The following ETFA variants were observed in gnomAD, a reference collection of about 807,000 sequenced individuals.
ETFA encodes electron transfer flavoprotein subunit alpha.
Under a neutral mutation model 46.2 loss-of-function variants are expected in ETFA, and 22 were observed. The observed-to-expected ratio is 0.48, with a 90% CI of 0.34 to 0.68. The LOEUF is 0.68. Ranked by LOEUF, ETFA falls within the 30% of genes least tolerant of loss-of-function variation. ETFA has a pLI of 0.01. For missense variants in ETFA, 345 were observed against 401.1 expected, an observed-to-expected ratio of 0.86 and a Z score of 1.19; for synonymous variants, 131 against 139.9, an observed-to-expected ratio of 0.94 and a Z score of 0.45.
chr15:76,277,032 T>A (rs577571206), intron 8 of ETFA, among the ~76,000 whole-genome samples: 5 of 152,298 alleles, frequency 3.3e-5, no homozygotes, highest in African/African-American at 4.8e-5. Context: ...TAAAAGGAAG[T>A]GCTGTCAATA....
intron 11 of ETFA, among the ~76,000 whole-genome samples, chr15:76,222,719 C>T (rs1417859826): frequency 6.6e-6 from 1 of 152,204 alleles, no homozygotes; most frequent in African/African-American, 2.4e-5. Context: ...AATCACATCT[C>T]TCTGGGACAG....
chr15:76,221,524 A>G (rs2038956427), intron 11 of ETFA, among the ~76,000 whole-genome samples: 1 of 152,256 alleles, frequency 6.6e-6, no homozygotes, highest in Non-Finnish European at 1.5e-5. Context: ...CAAACAAAAA[A>G]CAGGTGGTGC....
At chr15:76,249,711 G>T (rs2039279685) in intron 9 of ETFA, among the ~76,000 whole-genome samples, 1 of 152,066 alleles carries the variant, frequency 6.6e-6, no homozygotes. Context: ...AAAGTGCTGG[G>T]ATTACAGGTG....
At chr15:76,258,028 G>C (rs941078337) in intron 9 of ETFA, among the ~76,000 whole-genome samples, 1 of 120,676 alleles carries the variant, frequency 8.3e-6, no homozygotes, top group African/African-American at 3.1e-5. Flanking sequence ...GTGGGGTGGG[G>C]GGAGGGGGGG....
chr15:76,230,150 G>T (rs1002115341), intron 10 of ETFA: 1 of 148,154 alleles, frequency 6.7e-6, no homozygotes, highest in Admixed American at 6.8e-5. Flanking sequence ...GTGACAGAGC[G>T]AGACTCTTGT....
At chr15:76,300,604 C>A (rs1251507529) in intron 1 of ETFA, among the ~76,000 whole-genome samples, 2 of 152,220 alleles carry the variant, frequency 1.3e-5, no homozygotes, top group Non-Finnish European at 2.9e-5. Context: ...TCCTACCAAT[C>A]TATTTCTCTC....
At chr15:76,295,936 C>CTTTGTTTTTTTTTTTTTTTTTTT (rs2039816517) in intron 1 of ETFA, among the ~76,000 whole-genome samples, 199 bp from the exon 2 acceptor site, 1 of 46,602 alleles carries the variant, frequency 2.1e-5, no homozygotes, top group Non-Finnish European at 4.2e-5. Flanking sequence ...CACTAATATT[C>CTTTGTTTTTTTTTTTTTTTTTTT]TTTTTTTTTT....
chr15:76,226,174 C>A (rs907745868), intron 10 of ETFA: 2 of 382,006 alleles, frequency 5.2e-6, no homozygotes, highest in Non-Finnish European at 4.7e-6. Context: ...TTTAAAAGTT[C>A]TTCTTTTGAC....
chr15:76,293,118 A>C (rs2039784459), intron 2 of ETFA, among the ~76,000 whole-genome samples: 1 of 152,180 alleles, frequency 6.6e-6, no homozygotes, highest in African/African-American at 2.4e-5. Flanking sequence ...GACTGGGCGA[A>C]AGAGTGAAAC....
At chr15:76,223,123 A>G (rs903086465) in intron 11 of ETFA, among the ~76,000 whole-genome samples, 2 of 151,470 alleles carry the variant, frequency 1.3e-5, no homozygotes, top group African/African-American at 2.4e-5. Context: ...GGCATAAGCC[A>G]TTGTGCCTGG....
chr15:76,248,349 G>A (rs2039263548), intron 9 of ETFA, among the ~76,000 whole-genome samples: 1 of 152,032 alleles, frequency 6.6e-6, no homozygotes, highest in South Asian at 2.1e-4. Context: ...GGGGAAAATG[G>A]AATACTCACT....
At chr15:76,289,684 A>C (rs1382197316) in intron 4 of ETFA, among the ~76,000 whole-genome samples, 1 of 152,224 alleles carries the variant, frequency 6.6e-6, no homozygotes, top group East Asian at 1.9e-4. Flanking sequence ...CATATTTTAA[A>C]ATTCTAGCAG....
intron 8 of ETFA, among the ~76,000 whole-genome samples, chr15:76,275,373 AAACTT>A (rs1354642614): frequency 2.6e-5 from 4 of 152,174 alleles, no homozygotes; most frequent in Non-Finnish European, 5.9e-5. Context: ...TTACCTAATA[AAACTT>A]AACTTTAAAT....
chr15:76,279,433 T>C (rs1264478477), intron 8 of ETFA, among the ~76,000 whole-genome samples: 2 of 152,182 alleles, frequency 1.3e-5, no homozygotes, highest in Non-Finnish European at 2.9e-5. Flanking sequence ...CACACCACCA[T>C]GCCTGGCTAA....
chr15:76,251,434 G>T (rs903711028), intron 9 of ETFA, among the ~76,000 whole-genome samples: 1 of 152,142 alleles, frequency 6.6e-6, no homozygotes, highest in African/African-American at 2.4e-5. Flanking sequence ...TACTAAATAA[G>T]GGGTTTTAAA....
intron 9 of ETFA, among the ~76,000 whole-genome samples, chr15:76,253,333 CTT>C (rs1212360157): frequency 6.6e-6 from 1 of 152,016 alleles, no homozygotes; most frequent in Non-Finnish European, 1.5e-5. Flanking sequence ...TCACGGCATC[CTT>C]TGAGTATTAC....
intron 11 of ETFA, among the ~76,000 whole-genome samples, chr15:76,219,459 A>T (rs1399282548): frequency 6.6e-6 from 1 of 151,778 alleles, no homozygotes; most frequent in Non-Finnish European, 1.5e-5. Flanking sequence ...GCAACAAAAT[A>T]AAAAAAAAGA....
chr15:76,294,530 A>T (rs1403266674), intron 2 of ETFA, among the ~76,000 whole-genome samples: 1 of 152,160 alleles, frequency 6.6e-6, no homozygotes, highest in Non-Finnish European at 1.5e-5. Context: ...CTCCATTATC[A>T]CATGCTCTGA....
chr15:76,279,347 C>G (rs2039625740), intron 8 of ETFA, among the ~76,000 whole-genome samples: 1 of 152,120 alleles, frequency 6.6e-6, no homozygotes, highest in Admixed American at 6.6e-5. Flanking sequence ...ATAATTACAG[C>G]TCACTGCAGC....
Sources: gnomAD v4.1 joint callset for allele counts (sites outside exome capture counted in the v4.1 genomes callset) on GRCh38, gnomAD v4.1.1 for gene constraint, MANE v1.5 for transcripts, NCBI Gene and HGNC (gene_info 2026-07-23, HGNC 2026-07-21) for gene names.